THSD4: variants seen among roughly 807,000 people sequenced by gnomAD.
THSD4 encodes thrombospondin type 1 domain containing 4.
A neutral mutation model predicts 119.0 loss-of-function variants in THSD4; 69 were observed. That is an observed-to-expected ratio of 0.58 (90% CI 0.48 to 0.71). THSD4 has a LOEUF of 0.71. Among genes scored for constraint, THSD4 ranks in the 30% least tolerant of loss-of-function variants. THSD4 has a pLI of 0.00. For missense variants in THSD4, 1,393 were observed against 1,391.1 expected, an observed-to-expected ratio of 1.00 and a Z score of -0.02; for synonymous variants, 524 against 540.4, an observed-to-expected ratio of 0.97 and a Z score of 0.42.
At chr15:71,166,545 C>T (rs2043296275) in intron 3 of THSD4, among the ~76,000 whole-genome samples, 1 of 152,098 alleles carries the variant, frequency 6.6e-6, no homozygotes, top group African/African-American at 2.4e-5. Flanking sequence ...AGGATTCCAG[C>T]TTACTTTTTC....
chr15:71,139,549 G>A (rs571223900), intron 1 of THSD4, among the ~76,000 whole-genome samples: 1 of 152,282 alleles, frequency 6.6e-6, no homozygotes, highest in African/African-American at 2.4e-5. Flanking sequence ...AAGAATTTAA[G>A]GGTCTTCAAT....
intron 8 of THSD4, among the ~76,000 whole-genome samples, chr15:71,726,771 C>CTACTAAAA (rs1170260078): frequency 2.0e-5 from 3 of 152,148 alleles, no homozygotes; most frequent in African/African-American, 7.2e-5. Context: ...AACCCCGTCT[C>CTACTAAAA]TACTAAAATA....
At chr15:71,672,815 G>T (rs1449104112) in intron 8 of THSD4, among the ~76,000 whole-genome samples, 2 of 152,198 alleles carry the variant, frequency 1.3e-5, no homozygotes, top group African/African-American at 4.8e-5. Context: ...TGTTGAACCA[G>T]CCTTGGATCC....
chr15:71,353,758 G>A (rs2045773960), intron 6 of THSD4, among the ~76,000 whole-genome samples: 1 of 152,222 alleles, frequency 6.6e-6, no homozygotes, highest in African/African-American at 2.4e-5. Context: ...TAAAATCCCA[G>A]CTTCTTTGCA....
chr15:71,313,990 A>T (rs900544748), intron 6 of THSD4, among the ~76,000 whole-genome samples: 2 of 152,168 alleles, frequency 1.3e-5, no homozygotes, highest in Non-Finnish European at 2.9e-5. Flanking sequence ...GAGGCATAGG[A>T]AGGCTTTTAT....
intron 4 of THSD4, among the ~76,000 whole-genome samples, chr15:71,241,407 T>C (rs1198845214): frequency 6.6e-6 from 1 of 152,178 alleles, no homozygotes; most frequent in Non-Finnish European, 1.5e-5. Flanking sequence ...TGCCTCAGAA[T>C]TTCCCAAAGC....
chr15:71,227,662 G>A (rs1445111112), intron 4 of THSD4, among the ~76,000 whole-genome samples: 2 of 152,188 alleles, frequency 1.3e-5, no homozygotes, highest in Non-Finnish European at 2.9e-5. Flanking sequence ...AGGTAAAGAA[G>A]TCCCCAGCAT....
At chr15:71,566,238 G>C (rs558776011) in intron 7 of THSD4, among the ~76,000 whole-genome samples, 2 of 150,938 alleles carry the variant, frequency 1.3e-5, no homozygotes, top group Non-Finnish European at 2.9e-5. Flanking sequence ...GTGGTTTGGA[G>C]GTTGTGTGTT....
chr15:71,459,106 T>TC (rs2047379821), intron 7 of THSD4, among the ~76,000 whole-genome samples: 1 of 152,056 alleles, frequency 6.6e-6, no homozygotes. Context: ...ATTCCTAACT[T>TC]CACCCTTTGA....
At chr15:71,359,242 G>A (rs1337091390) in intron 6 of THSD4, among the ~76,000 whole-genome samples, 1 of 152,166 alleles carries the variant, frequency 6.6e-6, no homozygotes, top group Non-Finnish European at 1.5e-5. Flanking sequence ...TTTGTGGTCA[G>A]GCTTAACGTG....
At chr15:71,320,799 A>T (rs1403265000) in intron 6 of THSD4, among the ~76,000 whole-genome samples, 1 of 152,058 alleles carries the variant, frequency 6.6e-6, no homozygotes, top group East Asian at 1.9e-4. Context: ...TTTCAACTCC[A>T]GACATCTTTT....
Position 71,633,272 on chromosome 15 carries a change from T to TC in THSD4, c.1153-27258_1153-27257insC, listed in dbSNP as rs1272370458. On this transcript the variant is annotated intron_variant, in intron 7 of 17. Coordinates refer to ENST00000261862, the MANE Select transcript of THSD4 (RefSeq NM_024817.3). ...TTTTCTTTTTCTTTCTTTCTTTCTT[T>TC]TTTTTTTTTTTTTTTTTTTTGGAGA... 1.1e-3 allele frequency among the ~76,000 whole-genome samples: 81 copies of TC among 74,412 alleles called. No homozygotes were observed. In the South Asian group the frequency reaches 0.037, roughly 34 times the overall value. 48.8% of individuals were successfully genotyped at this position (74,412 alleles called of 152,430 possible). A position where few individuals can be genotyped will look rare whatever the true frequency, so the allele number is the denominator to read the frequency against.
chr15:71,663,185 A>T (rs571155387), intron 8 of THSD4, among the ~76,000 whole-genome samples: 2 of 152,240 alleles, frequency 1.3e-5, no homozygotes, highest in African/African-American at 4.8e-5. Context: ...CCAAGAGGTC[A>T]GGGCTGCAGT....
intron 8 of THSD4, among the ~76,000 whole-genome samples, chr15:71,680,268 C>A (rs1595857947): frequency 6.6e-6 from 1 of 152,276 alleles, no homozygotes; most frequent in East Asian, 1.9e-4. Flanking sequence ...TCTGGGAACA[C>A]CAAGGTTCTC....
At chr15:71,516,484 T>C (rs1447112709) in intron 7 of THSD4, among the ~76,000 whole-genome samples, 1 of 152,236 alleles carries the variant, frequency 6.6e-6, no homozygotes, top group Non-Finnish European at 1.5e-5. Context: ...ACTTTTTTCT[T>C]ACTCTTTGAG....
intron 3 of THSD4, among the ~76,000 whole-genome samples, chr15:71,160,403 C>T (rs2043239564): frequency 6.6e-6 from 1 of 151,122 alleles, no homozygotes; most frequent in Admixed American, 6.6e-5. Context: ...ATTGAGTCTT[C>T]TTTAAATTGT....
chr15:71,317,336 T>C (rs937936878), intron 6 of THSD4, among the ~76,000 whole-genome samples: 2 of 152,166 alleles, frequency 1.3e-5, no homozygotes, highest in African/African-American at 4.8e-5. Flanking sequence ...GCTGGTAATT[T>C]GTAAAGAAAA....
chr15:71,473,858 A>G (rs1555417667), intron 7 of THSD4, among the ~76,000 whole-genome samples: 1 of 152,246 alleles, frequency 6.6e-6, no homozygotes, highest in Non-Finnish European at 1.5e-5. Flanking sequence ...CATAGTCAGT[A>G]TCACCTGGGC....
At chr15:71,377,453 A>G (rs1436133327) in intron 6 of THSD4, among the ~76,000 whole-genome samples, 1 of 152,056 alleles carries the variant, frequency 6.6e-6, no homozygotes, top group African/African-American at 2.4e-5. Context: ...CCCTTGGGGA[A>G]TGTCTGCATC....
Sources: gnomAD v4.1 joint callset for allele counts (sites outside exome capture counted in the v4.1 genomes callset) on GRCh38, gnomAD v4.1.1 for gene constraint, MANE v1.5 for transcripts, NCBI Gene and HGNC (gene_info 2026-07-23, HGNC 2026-07-21) for gene names.